Variants in TLN2 observed in about 807,000 individuals in gnomAD.
TLN2 encodes the protein talin-2.
In TLN2, 118 loss-of-function variants were observed where a neutral mutation model predicts 294.7. That is an observed-to-expected ratio of 0.40 (90% confidence interval 0.34 to 0.47). TLN2 has a LOEUF of 0.47. Among genes scored for constraint, TLN2 ranks in the 20% least tolerant of loss-of-function variants. The probability of loss-of-function intolerance (pLI) is 0.84; values close to 1 mark genes in which losing one functional copy is unlikely to be tolerated. For missense variants in TLN2, 3,083 were observed against 3,282.2 expected (o/e 0.94, Z 1.48); for synonymous variants, 1,431 against 1,304.5 (o/e 1.10, Z -2.09).
intron 1 of TLN2, among the ~76,000 whole-genome samples, chr15:62,403,232 GA>G (rs2033154832): frequency 6.7e-6 from 1 of 148,478 alleles, no homozygotes; most frequent in Non-Finnish European, 1.5e-5. Context: ...AAAAAAAAGA[GA>G]GGAAAAAAAA....
At chr15:62,631,584 CTCT>C (rs2049877660) in intron 3 of TLN2, among the ~76,000 whole-genome samples, 1 of 102,350 alleles carries the variant, frequency 9.8e-6, no homozygotes, top group African/African-American at 3.5e-5. Flanking sequence ...TTCTTTCTCT[CTCT>C]TCTTTCACTC....
intron 1 of TLN2, among the ~76,000 whole-genome samples, chr15:62,505,793 T>G (rs942256213): frequency 3.3e-5 from 5 of 152,192 alleles, no homozygotes; most frequent in Non-Finnish European, 5.9e-5. Flanking sequence ...AAACTTAATC[T>G]GTAACATAGT....
intron 9 of TLN2, 79 bp downstream of exon 9, chr15:62,657,977 G>A (rs2053401234): frequency 5.8e-6 from 8 of 1,372,296 alleles, no homozygotes; most frequent in Non-Finnish European, 8.0e-6. Flanking sequence ...TGAGCTAGGT[G>A]TCTAAGATCA....
intron 2 of TLN2, among the ~76,000 whole-genome samples, chr15:62,613,547 T>C (rs1417124463): frequency 6.6e-6 from 1 of 152,164 alleles, no homozygotes; most frequent in African/African-American, 2.4e-5. Flanking sequence ...CATACACCTA[T>C]CATGTGTCCC....
intron 2 of TLN2, among the ~76,000 whole-genome samples, chr15:62,613,853 A>C (rs1238081321): frequency 2.5e-5 from 3 of 119,704 alleles, no homozygotes; most frequent in Admixed American, 8.2e-5. Context: ...AAGCCAGGCC[A>C]AAAAAAAAAA....
At chr15:62,579,030 G>T (rs1034974015) in intron 1 of TLN2, among the ~76,000 whole-genome samples, 6 of 152,194 alleles carry the variant, frequency 3.9e-5, no homozygotes, top group African/African-American at 7.2e-5. Context: ...TGCAAGAGTA[G>T]GAGGAACCAC....
At chr15:62,740,097 A>C (rs2061242887) in intron 31 of TLN2, among the ~76,000 whole-genome samples, 1 of 148,084 alleles carries the variant, frequency 6.8e-6, no homozygotes. Context: ...AGAGATAACC[A>C]GGGTGTATCT....
At chr15:62,674,480 C>A (rs971460715) in intron 10 of TLN2, among the ~76,000 whole-genome samples, 1 of 150,988 alleles carries the variant, frequency 6.6e-6, no homozygotes, top group African/African-American at 2.4e-5. Context: ...CGTGCACAGG[C>A]GTGTATTTAC....
intron 9 of TLN2, among the ~76,000 whole-genome samples, chr15:62,666,553 A>G (rs537254866): frequency 6.6e-6 from 1 of 152,350 alleles, no homozygotes; most frequent in Non-Finnish European, 1.5e-5. Context: ...ATTATAAATT[A>G]TAGAATTAAG....
chr15:62,759,991 C>T (rs1025967817), intron 37 of TLN2, among the ~76,000 whole-genome samples: 2 of 152,338 alleles, frequency 1.3e-5, no homozygotes, highest in African/African-American at 2.4e-5. Flanking sequence ...ATCACAGTAC[C>T]AAAGTGGTTC....
At chr15:62,548,471 G>A (rs536310330) in intron 1 of TLN2, among the ~76,000 whole-genome samples, 65 of 152,314 alleles carry the variant, frequency 4.3e-4, no homozygotes, top group Non-Finnish European at 8.4e-4. Context: ...TACTTTTCAA[G>A]TTGCACACAG....
intron 27 of TLN2, 21 bp from the exon 28 acceptor site, chr15:62,727,066 C>G (rs1380123184): frequency 6.2e-7 from 1 of 1,611,168 alleles, no homozygotes; most frequent in Non-Finnish European, 8.5e-7. Flanking sequence ...ACGTTCTTTC[C>G]CTCCTTGAAT....
At chr15:62,468,485 C>T (rs1027896202) in intron 1 of TLN2, among the ~76,000 whole-genome samples, 1 of 152,136 alleles carries the variant, frequency 6.6e-6, no homozygotes, top group African/African-American at 2.4e-5. Flanking sequence ...GTGGCTGATG[C>T]CTGTAATCCC....
chr15:62,446,571 C>T (rs1463632183), intron 1 of TLN2, among the ~76,000 whole-genome samples: 3 of 152,102 alleles, frequency 2.0e-5, no homozygotes, highest in East Asian at 3.9e-4. Context: ...CTACTGTTGA[C>T]TTTTTTGTGA....
intron 1 of TLN2, among the ~76,000 whole-genome samples, chr15:62,515,048 T>G (rs1370753152): frequency 6.6e-6 from 1 of 152,188 alleles, no homozygotes; most frequent in Non-Finnish European, 1.5e-5. Flanking sequence ...ACACTCTGTT[T>G]CCTTCTCTGT....
intron 1 of TLN2, among the ~76,000 whole-genome samples, chr15:62,559,654 C>A (rs2042803981): frequency 6.6e-6 from 1 of 152,196 alleles, no homozygotes; most frequent in South Asian, 2.1e-4. Context: ...TTATTTTAGG[C>A]AAGGCTCTTT....
intron 26 of TLN2, among the ~76,000 whole-genome samples, chr15:62,723,538 C>T (rs1197410617): frequency 2.0e-4 from 21 of 107,194 alleles, no homozygotes; most frequent in East Asian, 9.2e-4. Context: ...ACTGTGAAAA[C>T]TTTTTTTTTT....
intron 1 of TLN2, among the ~76,000 whole-genome samples, chr15:62,496,930 C>T (rs1431573551): frequency 6.6e-6 from 1 of 152,180 alleles, no homozygotes. Flanking sequence ...TGCATGTACA[C>T]AGGCAGAGCA....
intron 1 of TLN2, among the ~76,000 whole-genome samples, chr15:62,402,954 A>G (rs1007677979): frequency 6.6e-6 from 1 of 152,190 alleles, no homozygotes; most frequent in Non-Finnish European, 1.5e-5. Flanking sequence ...AAGGAAAAAA[A>G]CAGCAGGCTG....
Sources: gnomAD v4.1 joint callset for allele counts (sites outside exome capture counted in the v4.1 genomes callset) on GRCh38, gnomAD v4.1.1 for gene constraint, MANE v1.5 for transcripts, NCBI Gene and HGNC (gene_info 2026-07-23, HGNC 2026-07-21) for gene names.